The following TACC1 variants were observed in gnomAD, a reference collection of about 807,000 sequenced individuals.
TACC1 encodes transforming acidic coiled-coil containing protein 1.
Under a neutral mutation model 84.4 loss-of-function variants are expected in TACC1, and 48 were observed. The ratio of observed to expected loss-of-function variants is 0.57; its 90% CI spans 0.45 to 0.72. TACC1 has a LOEUF of 0.72. TACC1 is among the 30% of genes least tolerant of loss of function. The pLI is 0.00. For missense variants in TACC1, 920 were observed against 973.0 expected (o/e 0.95, Z 0.72); for synonymous variants, 372 against 376.3 (o/e 0.99, Z 0.13).
intron 4 of TACC1, among the ~76,000 whole-genome samples, chr8:38,825,771 T>C (rs1183650755): frequency 6.6e-6 from 1 of 152,248 alleles, no homozygotes; most frequent in Non-Finnish European, 1.5e-5. Flanking sequence ...AAACCTGAGT[T>C]GTCAGCTGAT....
intron 6 of TACC1, among the ~76,000 whole-genome samples, chr8:38,834,866 T>C (rs571980216): frequency 3.0e-4 from 46 of 152,354 alleles, no homozygotes; most frequent in Middle Eastern, 3.4e-3. Context: ...CAGTAACTAA[T>C]TGATTAGTTA....
chr8:38,753,960 G>GTT (rs372572828), intron 3 of TACC1, among the ~76,000 whole-genome samples: 36 of 94,286 alleles, frequency 3.8e-4, no homozygotes, highest in East Asian at 3.8e-4. Context: ...CATTTTTTGG[G>GTT]TTTTTTTTTT....
intron 3 of TACC1, among the ~76,000 whole-genome samples, chr8:38,750,427 T>C (rs1808820600): frequency 6.6e-6 from 1 of 152,332 alleles, no homozygotes; most frequent in African/African-American, 2.4e-5. Context: ...TTGGCTCTCA[T>C]CATTTTTATT....
intron 11 of TACC1, among the ~76,000 whole-genome samples, chr8:38,845,843 C>T (rs1429956289): frequency 6.6e-6 from 1 of 152,246 alleles, no homozygotes; most frequent in African/African-American, 2.4e-5. Flanking sequence ...CTCCTTGTAT[C>T]TCGGCCCACA....
intron 12 of TACC1, 81 bp from the exon 13 acceptor site, chr8:38,847,874 C>T: frequency 8.5e-7 from 1 of 1,170,136 alleles, no homozygotes; most frequent in Non-Finnish European, 1.3e-6. Context: ...AGGGTAGATC[C>T]AGACTTGGGA....
rs765440484 is a variant in TACC1 at position 38,820,566 on chromosome 8, G to A, written c.1322G>A (p.Cys441Tyr). 6.2e-7 allele frequency: 1 copy of A among 1,613,888 alleles called. No individual in the cohort carries two copies. Among genetic ancestry groups the A allele is most frequent in the South Asian group, 1.1e-5 (1 of 91,088 alleles). The change falls in exon 3 of 13, where the codon TGT (cysteine) becomes TAT (tyrosine). Residue 441 changes from cysteine (C) to tyrosine (Y), a missense_variant. Transcript: ENST00000317827. ...PTTTLTSSDF[C>Y]SPTGNHVNEI... ...ACGACCTTAACAAGCAGTGACTTTT[G>A]TTCTCCCACTGGTAATCACGTTAAT...
chr8:38,765,760 T>C (rs1812118479), intron 3 of TACC1, among the ~76,000 whole-genome samples: 1 of 152,202 alleles, frequency 6.6e-6, no homozygotes. Context: ...TTGTTTATAA[T>C]ACTGCGGACG....
At chr8:38,800,639 A>G (rs1230175206) in intron 2 of TACC1, among the ~76,000 whole-genome samples, 6 of 152,258 alleles carry the variant, frequency 3.9e-5, no homozygotes, top group Admixed American at 2.6e-4. Context: ...TTGATATACT[A>G]TATTTTATTT....
chr8:38,753,960 GT>G (rs372572828), intron 3 of TACC1, among the ~76,000 whole-genome samples: 180 of 94,268 alleles, frequency 1.9e-3, no homozygotes, highest in Admixed American at 0.012. Flanking sequence ...CATTTTTTGG[GT>G]TTTTTTTTTT....
chr8:38,770,114 G>A (rs988783432), intron 3 of TACC1, among the ~76,000 whole-genome samples: 32 of 151,952 alleles, frequency 2.1e-4, no homozygotes, highest in African/African-American at 7.0e-4. Flanking sequence ...CTGCGCTGCC[G>A]GCTCTGGCTC....
intron 2 of TACC1, among the ~76,000 whole-genome samples, chr8:38,819,023 G>A (rs1284671409): frequency 4.6e-5 from 7 of 152,190 alleles, no homozygotes; most frequent in South Asian, 2.1e-4. Context: ...TGATGTGCCC[G>A]TCTTGGCCTC....
chr8:38,819,023 G>GATACTTGGGCTCCTCCAAGA (rs1826076535), intron 2 of TACC1, among the ~76,000 whole-genome samples: 1 of 152,072 alleles, frequency 6.6e-6, no homozygotes, highest in Admixed American at 6.5e-5. Context: ...TGATGTGCCC[G>GATACTTGGGCTCCTCCAAGA]TCTTGGCCTC....
At position 38,775,266 on chromosome 8, in the gene TACC1, T is replaced by G. The variant is rs531935170; in HGVS notation, c.27-13438T>G. On this transcript the variant is annotated intron_variant, in intron 3 of 14. Coordinates refer to the TACC1 transcript ENST00000518415. ...GTGCACTTTGGTGCCTGAGTAAACC[T>G]TCTTCCAAAAAGAATGATATTCGAC... 6.0e-4 allele frequency among the ~76,000 whole-genome samples: 92 copies of G among 152,310 alleles called. 1 individual carries two copies. The highest frequency in any genetic ancestry group is 2.1e-3 in the African/African-American group (89 of 41,554).
chr8:38,820,331 G>C lies in TACC1; in HGVS notation c.1087G>C (p.Gly363Arg). 2 of 1,614,198 alleles carry C rather than the reference G, an allele frequency of 1.2e-6. No homozygotes were observed. The highest frequency in any genetic ancestry group is 2.2e-5 in the South Asian group (2 of 91,086). The change falls in exon 3 of 13, where the codon GGT becomes CGT. Residue 363 changes from glycine to arginine, a missense_variant. Gly to Arg is a moderately radical substitution (Grantham distance 125). Transcript: ENST00000317827. ...AAAAGATGGCATCAGTAAGTCAGCA[G>C]GTTTAGAACAGCCTACAGACCCAGT... is the stretch of plus-strand genomic sequence containing the variant. ...IQKDGISKSA[G>R]LEQPTDPVAR...
At chr8:38,735,405 G>A (rs962765551) in intron 1 of TACC1, among the ~76,000 whole-genome samples, 5 of 152,268 alleles carry the variant, frequency 3.3e-5, no homozygotes, top group Admixed American at 6.5e-5. Flanking sequence ...TTCCACCCGC[G>A]CTGTGCCTGG....
chr8:38,792,487 A>T (rs181916744), intron 2 of TACC1, among the ~76,000 whole-genome samples: 2 of 151,818 alleles, frequency 1.3e-5, no homozygotes, highest in Non-Finnish European at 2.9e-5. Flanking sequence ...GTTTTTTGAG[A>T]TAGAGTCTCG....
chr8:38,827,412 A>C, intron 5 of TACC1, 37 bp downstream of exon 5: 2 of 1,606,084 alleles, frequency 1.2e-6, no homozygotes, highest in Non-Finnish European at 1.7e-6. Flanking sequence ...AATGTACATA[A>C]GCATGGAAAT....
chr8:38,827,484 G>GTAT, intron 5 of TACC1, 109 bp downstream of exon 5: 1 of 1,163,814 alleles, frequency 8.6e-7, no homozygotes, highest in Non-Finnish European at 1.2e-6. Flanking sequence ...GTCACTTGAA[G>GTAT]GATAGATTTA....
At position 38,767,682 on chromosome 8, in the gene TACC1, A is replaced by G. The variant is rs112254232; in HGVS notation, c.27-21022A>G. On this transcript the variant is annotated intron_variant, in intron 3 of 14. Transcript: ENST00000518415. The stretch of plus-strand genomic sequence containing the variant: ...GCTTGGGGTTGGCCTGGTGGGGAGC[A>G]AGAGTTTCTTCAATCAACTCCTTTG... Among the ~76,000 whole-genome samples, 436 of 152,336 alleles carry G rather than the reference A, an allele frequency of 2.9e-3. 9 individuals carry two copies. Among genetic ancestry groups the G allele is most frequent in the African/African-American group, 9.6e-3 (398 of 41,568 alleles).
Sources: gnomAD v4.1 joint callset for allele counts (sites outside exome capture counted in the v4.1 genomes callset) on GRCh38, gnomAD v4.1.1 for gene constraint, MANE v1.5 for transcripts, NCBI Gene and HGNC (gene_info 2026-07-23, HGNC 2026-07-21) for gene names.